The following SEMA3D variants were observed in gnomAD, a reference collection of about 807,000 sequenced individuals.
SEMA3D encodes the protein semaphorin 3D, also known as semaphorin-3D.
SEMA3D carries 84 observed loss-of-function variants against 100.1 expected under a neutral mutation model. The ratio of observed to expected loss-of-function variants is 0.84; its 90% confidence interval spans 0.70 to 1.01. The LOEUF is 1.01. Among genes scored for constraint, SEMA3D ranks in the 50% least tolerant of loss-of-function variants. SEMA3D has a pLI of 0.00. For missense variants in SEMA3D, 875 were observed against 934.1 expected, an observed-to-expected ratio of 0.94 and a Z score of 0.82; for synonymous variants, 312 against 320.7, an observed-to-expected ratio of 0.97 and a Z score of 0.29.
At chr7:85,175,898 T>TA (rs1235441576) in intron 1 of SEMA3D, among the ~76,000 whole-genome samples, 1 of 152,054 alleles carries the variant, frequency 6.6e-6, no homozygotes, top group Non-Finnish European at 1.5e-5. Flanking sequence ...TTAATATATA[T>TA]AAAACTGCAA....
At chr7:85,114,264 GC>G (rs752688351) in intron 3 of SEMA3D, among the ~76,000 whole-genome samples, 3 of 152,170 alleles carry the variant, frequency 2.0e-5, no homozygotes, top group Non-Finnish European at 4.4e-5. Flanking sequence ...AGGTGGTATG[GC>G]AGGATTTGAG....
intron 9 of SEMA3D, 91 bp downstream of exon 9, chr7:85,055,626 G>GAC (rs2116078472): frequency 4.5e-6 from 1 of 223,868 alleles, no homozygotes; most frequent in African/African-American, 2.7e-5. Flanking sequence ...CTTAAACCTT[G>GAC]CCAAAGTTTT....
upstream of SEMA3D, among the ~76,000 whole-genome samples, chr7:85,189,472 G>T (rs542054565): frequency 6.6e-6 from 1 of 152,068 alleles, no homozygotes; most frequent in African/African-American, 2.4e-5. Flanking sequence ...AACCCAGTGG[G>T]AAAAAAAGTA....
At chr7:85,088,230 T>C (rs1008280091) in intron 4 of SEMA3D, among the ~76,000 whole-genome samples, 5 of 152,158 alleles carry the variant, frequency 3.3e-5, no homozygotes, top group African/African-American at 1.2e-4. Context: ...GTTAGGCAAG[T>C]TACAGAAACA....
At chr7:85,107,967 C>T (rs1052064038) in intron 3 of SEMA3D, among the ~76,000 whole-genome samples, 19 of 152,016 alleles carry the variant, frequency 1.2e-4, no homozygotes, top group Non-Finnish European at 2.2e-4. Context: ...CATTTTCCCC[C>T]AATCACAATT....
intron 13 of SEMA3D, among the ~76,000 whole-genome samples, chr7:85,021,711 A>T (rs908162515): frequency 1.2e-4 from 18 of 151,844 alleles, no homozygotes; most frequent in Non-Finnish European, 2.4e-4. Flanking sequence ...TATGGAATAC[A>T]GTGCTTTTGT....
chr7:85,225,115 T>TAATAAATATATATATAAA, the SEMA3D span, among the ~76,000 whole-genome samples: 2 of 73,686 alleles, frequency 2.7e-5, no homozygotes, highest in African/African-American at 1.6e-4. Flanking sequence ...TACATACATA[T>TAATAAATATATATATAAA]ATACATATAT....
intron 1 of SEMA3D, among the ~76,000 whole-genome samples, chr7:85,170,485 A>G (rs1415093479): frequency 1.3e-5 from 2 of 151,948 alleles, no homozygotes; most frequent in African/African-American, 2.4e-5. Flanking sequence ...CAGGGAATCT[A>G]GGTCCTGAGA....
rs759356184 is a variant in SEMA3D at position 85,072,971 on chromosome 7, G to T, written c.486C>A (p.Val162=). The part of the protein sequence containing the change: ...HPICGYIDLG[V]YKEDIIFKLD... ...TTTTTCATTATATTACCTCCTTGTA[G>T]ACTCCAAGATCAATATACCCACATA... The change falls in exon 6 of 19, where the codon GTC becomes GTA. Residue 162 remains valine, a synonymous_variant. Transcript: ENST00000284136. 2 of 1,601,544 alleles carry T rather than the reference G, an allele frequency of 1.2e-6. No homozygotes were observed. The highest frequency in any genetic ancestry group is 3.5e-5 in the Admixed American group (2 of 57,526).
intron 3 of SEMA3D, among the ~76,000 whole-genome samples, chr7:85,121,117 A>G (rs1445392003): frequency 6.6e-6 from 1 of 152,206 alleles, no homozygotes; most frequent in Non-Finnish European, 1.5e-5. Context: ...CCCGGAGTAC[A>G]TCAAAAAGGA....
chr7:85,211,916 TA>T, the SEMA3D span, among the ~76,000 whole-genome samples: 2 of 152,104 alleles, frequency 1.3e-5, no homozygotes, highest in Non-Finnish European at 2.9e-5. Flanking sequence ...CACAAAAATA[TA>T]TGTGTTAATC....
intron 12 of SEMA3D, chr7:85,029,622 G>A: frequency 2.2e-6 from 1 of 445,182 alleles, no homozygotes; most frequent in Non-Finnish European, 4.3e-6. Context: ...AGGAATGCCA[G>A]GGGGATTTCC....
At chr7:85,224,153 G>A in the SEMA3D span, among the ~76,000 whole-genome samples, 1 of 151,990 alleles carries the variant, frequency 6.6e-6, no homozygotes, top group Non-Finnish European at 1.5e-5. Flanking sequence ...AAGAGCACTG[G>A]GATTATTTTT....
At chr7:85,146,609 A>G (rs2116476540) in intron 2 of SEMA3D, among the ~76,000 whole-genome samples, 1 of 152,036 alleles carries the variant, frequency 6.6e-6, no homozygotes, top group East Asian at 1.9e-4. Context: ...AAGATATGCA[A>G]TTGTATTGGT....
At chr7:85,174,007 T>C (rs1333703994) in intron 1 of SEMA3D, among the ~76,000 whole-genome samples, 1 of 152,150 alleles carries the variant, frequency 6.6e-6, no homozygotes, top group African/African-American at 2.4e-5. Flanking sequence ...TCAGGACTAA[T>C]CTCAGGTGTC....
the SEMA3D span, among the ~76,000 whole-genome samples, chr7:85,208,249 T>G: frequency 6.6e-6 from 1 of 152,022 alleles, no homozygotes; most frequent in African/African-American, 2.4e-5. Flanking sequence ...CTTACCTTAT[T>G]TAACCATTGT....
chr7:85,015,597 C>T (rs1214162230), intron 15 of SEMA3D, among the ~76,000 whole-genome samples: 2 of 151,794 alleles, frequency 1.3e-5, no homozygotes, highest in Admixed American at 6.6e-5. Context: ...CTTCCCATGG[C>T]TCCTTATATA....
At chr7:85,249,343 C>A in the SEMA3D span, among the ~76,000 whole-genome samples, 2 of 151,890 alleles carry the variant, frequency 1.3e-5, no homozygotes, top group Admixed American at 1.3e-4. Context: ...AAAGAAGAGC[C>A]GAAGGATACC....
chr7:85,240,131 T>C, the SEMA3D span, among the ~76,000 whole-genome samples: 1 of 152,158 alleles, frequency 6.6e-6, no homozygotes, highest in South Asian at 2.1e-4. Flanking sequence ...TTAAGTATGA[T>C]GTTCACTATA....
Sources: gnomAD v4.1 joint callset for allele counts (sites outside exome capture counted in the v4.1 genomes callset) on GRCh38, gnomAD v4.1.1 for gene constraint, MANE v1.5 for transcripts, NCBI Gene and HGNC (gene_info 2026-07-23, HGNC 2026-07-21) for gene names.